The following COL26A1 variants were observed in gnomAD, a reference collection of about 807,000 sequenced individuals.
The protein encoded by COL26A1 is collagen alpha-1(XXVI) chain.
In COL26A1, 41 loss-of-function variants were observed where a neutral mutation model predicts 59.3. That is an observed-to-expected ratio of 0.69 (90% confidence interval 0.54 to 0.90). COL26A1 has a LOEUF of 0.90. COL26A1 is among the 40% of genes least tolerant of loss of function. COL26A1 has a pLI of 0.00. For missense variants in COL26A1, 612 were observed against 602.3 expected (o/e 1.02, Z -0.17); for synonymous variants, 266 against 256.0 (o/e 1.04, Z -0.37).
intron 3 of COL26A1, among the ~76,000 whole-genome samples, chr7:101,531,416 A>G (rs1422136173): frequency 1.3e-5 from 2 of 152,202 alleles, no homozygotes; most frequent in East Asian, 1.9e-4. Flanking sequence ...AGAAAACTGT[A>G]TATATTCCTC....
intron 1 of COL26A1, among the ~76,000 whole-genome samples, chr7:101,377,800 A>ATC: frequency 6.6e-6 from 1 of 152,334 alleles, no homozygotes; most frequent in South Asian, 2.1e-4. Flanking sequence ...ATCAGTGAAC[A>ATC]AAACAAAATA....
intron 9 of COL26A1, among the ~76,000 whole-genome samples, chr7:101,549,937 C>T (rs1333176273): frequency 6.6e-6 from 1 of 152,166 alleles, no homozygotes; most frequent in Non-Finnish European, 1.5e-5. Context: ...AGCCCCTAAC[C>T]CCAGGTTCGC....
intron 3 of COL26A1, among the ~76,000 whole-genome samples, chr7:101,462,540 C>T (rs1435533257): frequency 6.6e-6 from 1 of 152,130 alleles, no homozygotes; most frequent in African/African-American, 2.4e-5. Context: ...TGGTCTCGAA[C>T]TCCTGACTTC....
intron 1 of COL26A1, among the ~76,000 whole-genome samples, chr7:101,402,095 A>G (rs999465971): frequency 1.3e-5 from 2 of 152,158 alleles, no homozygotes; most frequent in African/African-American, 4.8e-5. Flanking sequence ...AGGGGAACTG[A>G]GGAATTTCTC....
At chr7:101,520,662 A>ACACACACACACACACACC (rs915256077) in intron 3 of COL26A1, among the ~76,000 whole-genome samples, 52 of 143,352 alleles carry the variant, frequency 3.6e-4, no homozygotes, top group African/African-American at 1.1e-3. Flanking sequence ...ACACACACAC[A>ACACACACACACACACACC]CCCCCGTGTT....
chr7:101,377,459 CTG>C (rs914775274), intron 1 of COL26A1, among the ~76,000 whole-genome samples: 1 of 152,124 alleles, frequency 6.6e-6, no homozygotes, highest in African/African-American at 2.4e-5. Flanking sequence ...GGGTCTCACT[CTG>C]TTGTTCAGGC....
intron 11 of COL26A1, 87 bp downstream of exon 11, chr7:101,553,463 T>G: frequency 7.2e-7 from 1 of 1,389,514 alleles, no homozygotes; most frequent in Non-Finnish European, 1.0e-6. Flanking sequence ...AGATCTGCGC[T>G]GACCGTCAGC....
chr7:101,406,472 A>G (rs1441325460), intron 1 of COL26A1, among the ~76,000 whole-genome samples: 1 of 152,148 alleles, frequency 6.6e-6, no homozygotes, highest in African/African-American at 2.4e-5. Context: ...GATTTGTGCC[A>G]ATTTGCTCGA....
intron 1 of COL26A1, among the ~76,000 whole-genome samples, chr7:101,378,032 A>C (rs1179749354): frequency 6.6e-6 from 1 of 152,172 alleles, no homozygotes; most frequent in Non-Finnish European, 1.5e-5. Context: ...CAGCCTCCTG[A>C]GTAGCTTGGA....
chr7:101,364,071 C>A (rs1277967670), intron 1 of COL26A1, among the ~76,000 whole-genome samples: 1 of 152,134 alleles, frequency 6.6e-6, no homozygotes, highest in Non-Finnish European at 1.5e-5. Flanking sequence ...CGGGCCCGGG[C>A]GCCGGGACCC....
chr7:101,531,251 G>A (rs575128068), intron 3 of COL26A1, among the ~76,000 whole-genome samples: 2 of 152,300 alleles, frequency 1.3e-5, no homozygotes, highest in East Asian at 1.9e-4. Flanking sequence ...GATTATAGGC[G>A]TGAGCCACCA....
rs1368343246 is a variant in COL26A1, at chr7:101,489,789, T to C, written c.385+42002T>C. Among the ~76,000 whole-genome samples the C allele has an allele frequency of 5.1e-3, 10 of 1,958 alleles. 1 individual carries two copies. The highest frequency in any genetic ancestry group is 6.6e-3 in the Non-Finnish European group (5 of 752). 1.3% of individuals were successfully genotyped at this position (1,958 alleles called of 152,430 possible). On this transcript the variant is annotated intron_variant, in intron 3 of 12. Coordinates refer to ENST00000313669, the MANE Select transcript of COL26A1 (RefSeq NM_001278563.3). ...TTCTTTCTTTCTTTCTTTCTTTCTT[T>C]CTTTCTTTCTTTCTTTCTTTCTTTC...
intron 3 of COL26A1, among the ~76,000 whole-genome samples, chr7:101,530,244 G>T (rs538194134): frequency 6.6e-6 from 1 of 151,928 alleles, no homozygotes; most frequent in African/African-American, 2.4e-5. Context: ...TCTTTCAGCC[G>T]CACAGGAATC....
chr7:101,371,041 G>A (rs369018166), intron 1 of COL26A1, among the ~76,000 whole-genome samples: 17 of 152,260 alleles, frequency 1.1e-4, no homozygotes, highest in South Asian at 2.1e-4. Context: ...CTGAGCAGCC[G>A]TCCTTGGGCA....
chr7:101,455,840 G>T (rs950116894), intron 3 of COL26A1, among the ~76,000 whole-genome samples: 1 of 151,918 alleles, frequency 6.6e-6, no homozygotes, highest in Non-Finnish European at 1.5e-5. Flanking sequence ...ACGCCACCAG[G>T]CCTGGCTAAT....
At chr7:101,382,189 C>T (rs1257783822) in intron 1 of COL26A1, among the ~76,000 whole-genome samples, 1 of 152,090 alleles carries the variant, frequency 6.6e-6, no homozygotes, top group African/African-American at 2.4e-5. Context: ...GCTGGGACTG[C>T]AGGTGCATGC....
At chr7:101,520,444 A>G (rs1859629) in intron 3 of COL26A1, among the ~76,000 whole-genome samples, 94,807 of 151,916 alleles carry the variant, frequency 0.62, 30,806 homozygotes, top group African/African-American at 0.75. Flanking sequence ...CTACACTTTG[A>G]GAGGCCGAGG....
chr7:101,447,813 A>C, intron 3 of COL26A1, 26 bp downstream of exon 3: 1 of 1,454,150 alleles, frequency 6.9e-7, no homozygotes. Flanking sequence ...CTTGGGCTGC[A>C]GGGGGCCAGG....
intron 2 of COL26A1, 83 bp from the exon 3 acceptor site, chr7:101,447,601 C>G (rs1793229103): frequency 1.0e-6 from 1 of 978,278 alleles, no homozygotes; most frequent in African/African-American, 1.6e-5. Context: ...CTGGGCAAAA[C>G]AGCCTGGCCC....
Sources: gnomAD v4.1 joint callset for allele counts (sites outside exome capture counted in the v4.1 genomes callset) on GRCh38, gnomAD v4.1.1 for gene constraint, MANE v1.5 for transcripts, NCBI Gene and HGNC (gene_info 2026-07-23, HGNC 2026-07-21) for gene names.